The following MROH7 variants were observed in gnomAD, a reference collection of about 807,000 sequenced individuals.
The protein encoded by MROH7 is maestro heat-like repeat-containing protein family member 7.
In MROH7, 113 loss-of-function variants were observed where a neutral mutation model predicts 129.2. The observed-to-expected ratio is 0.87, with a 90% CI of 0.75 to 1.02. The LOEUF (loss-of-function observed/expected upper bound fraction) is 1.02. MROH7 is among the 50% of genes least tolerant of loss of function. MROH7 has a pLI of 0.00. For missense variants in MROH7, 1,601 were observed against 1,671.3 expected, an observed-to-expected ratio of 0.96 and a Z score of 0.73; for synonymous variants, 655 against 667.9, an observed-to-expected ratio of 0.98 and a Z score of 0.30.
Position 54,653,705 on chromosome 1 carries a change from C to G in MROH7, c.779C>G (p.Ser260Ter), listed in dbSNP as rs757394504. 2 of 1,614,150 alleles carry G rather than the reference C, an allele frequency of 1.2e-6. No individual in the cohort carries two copies. The highest frequency in any genetic ancestry group is 1.7e-5 in the Admixed American group (1 of 60,022). The change falls in exon 3 of 24, where the codon TCA becomes TGA. Residue 260 changes from serine (S) to a stop codon, truncating the protein, a stop_gained. Transcript: ENST00000421030. LOFTEE classifies it high-confidence loss of function. The stretch of plus-strand genomic sequence containing the variant: ...TCACATAATATCTCTGAGTCTGTTT[C>G]AAAAGGAGCCTTTAGTACCACCTGG... ...LASHNISESV[S>*]KGAFSTTWST...
intron 4 of MROH7, among the ~76,000 whole-genome samples, chr1:54,666,766 G>A (rs755423930): frequency 6.6e-6 from 1 of 152,090 alleles, no homozygotes; most frequent in Non-Finnish European, 1.5e-5. Flanking sequence ...GAATTCTGTT[G>A]AGGAGCAATA....
intron 3 of MROH7, chr1:54,663,780 C>G (rs1644770545): frequency 2.2e-6 from 1 of 454,892 alleles, no homozygotes. Context: ...TCATCCTGGA[C>G]TTTCCCTGCT....
chr1:54,684,144 T>C (rs753278318), intron 14 of MROH7, among the ~76,000 whole-genome samples: 25 of 152,222 alleles, frequency 1.6e-4, no homozygotes, highest in Non-Finnish European at 5.9e-5. Context: ...AGCACACTTA[T>C]AGGTTCTGGG....
At chr1:54,678,628 G>A (rs1210538555) in intron 10 of MROH7, 114 bp from the exon 11 acceptor site, 1 of 718,732 alleles carries the variant, frequency 1.4e-6, no homozygotes, top group Non-Finnish European at 2.4e-6. Flanking sequence ...ACAATGGTGT[G>A]TTCACTATGT....
chr1:54,664,871 G>T (rs1371267428), intron 3 of MROH7, among the ~76,000 whole-genome samples: 1 of 152,150 alleles, frequency 6.6e-6, no homozygotes, highest in Non-Finnish European at 1.5e-5. Context: ...AATTAGACGG[G>T]TGTGATGGCG....
chr1:54,699,191 T>A (rs539765411), intron 17 of MROH7: 1 of 110,594 alleles, frequency 9.0e-6, no homozygotes, highest in African/African-American at 3.6e-5. Flanking sequence ...TTCTTTCTCT[T>A]TCTTTCTTTC....
intron 3 of MROH7, among the ~76,000 whole-genome samples, chr1:54,660,125 T>C (rs1258872952): frequency 1.3e-5 from 2 of 152,210 alleles, no homozygotes; most frequent in African/African-American, 4.8e-5. Flanking sequence ...TGCCTGAGAC[T>C]GAGTAATTTA....
At chr1:54,708,938 A>G in intron 22 of MROH7, 76 bp from the exon 23 acceptor site, 12 of 1,087,440 alleles carry the variant, frequency 1.1e-5, no homozygotes. Context: ...TCTCTGAGGA[A>G]CTCTGGTCTA....
rs752642703 is a variant in MROH7, at chr1:54,709,976, C to G, written c.3761C>G (p.Ala1254Gly). The G allele has an allele frequency of 4.3e-6, 7 of 1,614,022 alleles. No individual in the cohort carries two copies. The highest frequency in any genetic ancestry group is 1.6e-4 in the Middle Eastern group (1 of 6,062). The stretch of plus-strand genomic sequence containing the variant: ...GATAACTTGAGACATGACCCAGAAG[C>G]ATCAGTGTGCATCTACGCAGCCCAG... ...ALDNLRHDPE[A>G]SVCIYAAQVQ... The change falls in exon 24 of 24, where the codon GCA (alanine) becomes GGA (glycine). Residue 1254 changes from alanine (A) to glycine (G), a missense_variant. By Grantham distance (60) the Ala-to-Gly change is moderately conservative. Coordinates refer to ENST00000421030, the MANE Select transcript of MROH7 (RefSeq NM_001039464.4).
At chr1:54,665,941 A>T (rs1644806707) in intron 4 of MROH7, 1 of 152,356 alleles carries the variant, frequency 6.6e-6, no homozygotes, top group African/African-American at 2.4e-5. Flanking sequence ...CCCTGCATTC[A>T]GGGAGCATTT....
intron 15 of MROH7, among the ~76,000 whole-genome samples, chr1:54,687,654 T>G (rs1645169717): frequency 6.6e-6 from 1 of 152,156 alleles, no homozygotes; most frequent in East Asian, 1.9e-4. Context: ...AAGGATAAAA[T>G]GGAGTGACTC....
chr1:54,664,545 A>G (rs1644782645), intron 3 of MROH7, among the ~76,000 whole-genome samples: 1 of 152,246 alleles, frequency 6.6e-6, no homozygotes, highest in Admixed American at 6.5e-5. Context: ...TGGTGTGGCC[A>G]AAGCATAGTG....
Position 54,695,476 on chromosome 1 carries a change from G to A in MROH7, c.2950G>A (p.Ala984Thr), listed in dbSNP as rs780399619. 21 of 1,613,032 alleles carry A rather than the reference G, an allele frequency of 1.3e-5. No individual in the cohort carries two copies. Among genetic ancestry groups the A allele is most frequent in the South Asian group, 5.5e-5 (5 of 90,840 alleles). Residue 984 changes from alanine (A) to threonine (T), a missense_variant, in exon 17 of 24, where the codon GCC (alanine) becomes ACC (threonine). Physicochemically the swap from Ala to Thr is moderately conservative, Grantham distance 58 (BLOSUM62 0). Transcript: ENST00000421030. Reference sequence around the variant, plus strand: ...CGAGAAGCACAGGATCACGGCCACCGCCTTCTTCGTGGAGGTACCAACGGG... The same window carrying A: ...CGAGAAGCACAGGATCACGGCCACCACCTTCTTCGTGGAGGTACCAACGGG... The part of the protein sequence containing the change: ...GDEKHRITAT[A>T]FFVELLQMEQ...
At position 54,686,420 on chromosome 1, in the gene MROH7, G is replaced by T. The variant is rs1336585771; in HGVS notation, c.2683G>T (p.Ala895Ser). 1 of 1,614,096 alleles carries T rather than the reference G, an allele frequency of 6.2e-7. No individual in the cohort carries two copies. Among genetic ancestry groups the T allele is most frequent in the Admixed American group, 1.7e-5 (1 of 60,018 alleles). Reference protein sequence around the residue: ...VAPPKDTKKGAQPSPFVPVRW... With the variant: ...VAPPKDTKKGSQPSPFVPVRW... ...TCCTCCCAAGGACACCAAGAAGGGT[G>T]CACAGCCCTCTCCCTTCGTACCTGT... Residue 895 changes from alanine (A) to serine (S), a missense_variant, in exon 15 of 24, where the codon GCA becomes TCA. Transcript: ENST00000421030.
intron 15 of MROH7, among the ~76,000 whole-genome samples, chr1:54,686,938 C>G (rs1196486036): frequency 6.6e-6 from 1 of 152,170 alleles, no homozygotes; most frequent in East Asian, 1.9e-4. Flanking sequence ...AACACATTTA[C>G]TTATATTCTG....
At chr1:54,694,556 T>A (rs534968448) in intron 16 of MROH7, among the ~76,000 whole-genome samples, 4 of 152,184 alleles carry the variant, frequency 2.6e-5, no homozygotes, top group Non-Finnish European at 5.9e-5. Flanking sequence ...AACCTCTGCC[T>A]CCTGGGTTTA....
rs544772509 is a variant in MROH7, at chr1:54,691,910, T to C, written c.2712-514T>C. ...CCACCCCCCATGTATGAACACACAG[T>C]GCGGTGCCAGGCATACAGTAGGATG... is the stretch of plus-strand genomic sequence containing the variant. On this transcript the variant is annotated intron_variant, in intron 15 of 23. Coordinates refer to ENST00000421030, the MANE Select transcript of MROH7 (RefSeq NM_001039464.4). Among the ~76,000 whole-genome samples the C allele has an allele frequency of 2.7e-5, 3 of 111,288 alleles. No individual in the cohort carries two copies. The South Asian group carries it at 1.0e-3, about 37-fold the overall frequency. 73.0% of individuals were successfully genotyped at this position (111,288 alleles called of 152,430 possible). A position where few individuals can be genotyped will look rare whatever the true frequency, so the allele number is the denominator to read the frequency against.
chr1:54,705,425 G>A (rs1645517679), intron 21 of MROH7, among the ~76,000 whole-genome samples: 1 of 152,174 alleles, frequency 6.6e-6, no homozygotes, highest in Non-Finnish European at 1.5e-5. Context: ...ACAGTGGGGG[G>A]ACATCAGTAT....
chr1:54,709,935 C>T lies in MROH7; in HGVS notation c.3731-11C>T. 7 of 1,606,466 alleles carry T rather than the reference C, an allele frequency of 4.4e-6. No homozygotes were observed. Among genetic ancestry groups the T allele is most frequent in the Non-Finnish European group, 6.0e-6 (7 of 1,173,546 alleles). On this transcript the variant is annotated splice_polypyrimidine_tract_variant and intron_variant, in intron 23 of 23. Transcript: ENST00000421030. The stretch of plus-strand genomic sequence containing the variant: ...TCTTAATAGGAGGCTTCTCCCTTCC[C>T]CATGACGCAGCTCTGGATAACTTGA...
Sources: gnomAD v4.1 joint callset for allele counts (sites outside exome capture counted in the v4.1 genomes callset) on GRCh38, gnomAD v4.1.1 for gene constraint, MANE v1.5 for transcripts, NCBI Gene and HGNC (gene_info 2026-07-23, HGNC 2026-07-21) for gene names.